Variants in TBC1D12 observed in about 807,000 individuals in gnomAD.
TBC1D12 encodes TBC1 domain family member 12, also known as TBC1 domain family, member 12.
In TBC1D12, 56 loss-of-function variants were observed where a neutral mutation model predicts 86.7. The ratio of observed to expected loss-of-function variants is 0.65; its 90% CI spans 0.52 to 0.81. TBC1D12 has a LOEUF of 0.81. Among genes scored for constraint, TBC1D12 ranks in the 30% least tolerant of loss-of-function variants. The pLI is 0.00. For synonymous variants in TBC1D12, 421 were observed against 411.7 expected (o/e 1.02, Z -0.27); for missense variants, 1,023 against 1,038.8 (o/e 0.98, Z 0.21).
In TBC1D12 at chr10:94,403,087, C is replaced by T. The variant is rs939017968; in HGVS notation, c.474C>T (p.Ala158=). 7 of 1,430,264 alleles carry T rather than the reference C, an allele frequency of 4.9e-6. No homozygotes were observed. Among genetic ancestry groups the T allele is most frequent in the Admixed American group, 3.2e-5 (1 of 31,004 alleles). 88.6% of individuals were successfully genotyped at this position (1,430,264 alleles called of 1,614,324 possible). A position where few individuals can be genotyped will look rare whatever the true frequency, so the allele number is the denominator to read the frequency against. ...DLEEARGLAR[A]GGRESRRRRP... ...AAGAGGCTCGCGGGCTGGCGCGCGC[C>T]GGCGGCCGGGAGTCGCGCCGCCGCC... Residue 158 remains alanine, a synonymous_variant, in exon 1 of 13, where the codon GCC becomes GCT. Transcript: ENST00000225235.
At chr10:94,460,732 G>A (rs535535381) in intron 2 of TBC1D12, among the ~76,000 whole-genome samples, 9 of 151,448 alleles carry the variant, frequency 5.9e-5, no homozygotes, top group South Asian at 4.2e-4. Context: ...TCTCTTGTCC[G>A]TTATAGTTTT....
In TBC1D12 at chr10:94,493,419, T is replaced by C. The variant is rs1474057282; in HGVS notation, c.1266T>C (p.Asp422=). ...CTTTACGTCACCGACAAGAATACGA[T>C]GAGATGGTGGCTGAGGCTAAAAAAC... The part of the protein sequence containing the change: ...EEALRHRQEY[D]EMVAEAKKRE... The change falls in exon 4 of 13, where the codon GAT becomes GAC. Residue 422 remains aspartate, a synonymous_variant. Coordinates refer to ENST00000225235, the MANE Select transcript of TBC1D12 (RefSeq NM_015188.2). The C allele has an allele frequency of 1.9e-6, 3 of 1,611,130 alleles. No individual in the cohort carries two copies. Among genetic ancestry groups the C allele is most frequent in the Non-Finnish European group, 2.5e-6 (3 of 1,178,114 alleles).
chr10:94,412,355 G>A (rs1030412912), intron 1 of TBC1D12, among the ~76,000 whole-genome samples: 1 of 152,226 alleles, frequency 6.6e-6, no homozygotes, highest in African/African-American at 2.4e-5. Flanking sequence ...GATACTGGAT[G>A]AATTTTTGTG....
In TBC1D12 at chr10:94,403,478, C is replaced by A. The variant is rs1404439944; in HGVS notation, c.865C>A (p.Leu289Met). 4 of 1,541,842 alleles carry A rather than the reference C, an allele frequency of 2.6e-6. No homozygotes were observed. Among genetic ancestry groups the A allele is most frequent in the Non-Finnish European group, 3.5e-6 (4 of 1,144,738 alleles). ...VSRGQSARDH[L>M]PPAGPPVPLP... ...CCGCGGTCAGAGCGCCCGCGATCAC[C>A]TGCCCCCGGCGGGGCCGCCGGTGCC... The change falls in exon 1 of 13, where the codon CTG becomes ATG. Residue 289 changes from leucine to methionine, a missense_variant. Coordinates refer to ENST00000225235, the MANE Select transcript of TBC1D12 (RefSeq NM_015188.2).
chr10:94,506,386 A>C (rs948294685), intron 6 of TBC1D12, among the ~76,000 whole-genome samples: 1 of 152,228 alleles, frequency 6.6e-6, no homozygotes, highest in South Asian at 2.1e-4. Context: ...ACCTTTAAAA[A>C]TGAATAAAAT....
chr10:94,421,557 G>A (rs2055074410), intron 1 of TBC1D12, among the ~76,000 whole-genome samples: 2 of 152,274 alleles, frequency 1.3e-5, no homozygotes, highest in Non-Finnish European at 2.9e-5. Context: ...ATGCCCATTA[G>A]TGAAATTGTT....
At chr10:94,497,821 C>CTTTT (rs796259533) in intron 5 of TBC1D12, among the ~76,000 whole-genome samples, 1 of 100,138 alleles carries the variant, frequency 1.0e-5, no homozygotes, top group Non-Finnish European at 2.1e-5. Flanking sequence ...ACTGTGTTTT[C>CTTTT]TTTTTTTTTT....
In TBC1D12 at chr10:94,402,935, G is replaced by T; in HGVS notation, c.322G>T (p.Ala108Ser). Residue 108 changes from alanine (A) to serine (S), a missense_variant, in exon 1 of 13, where the codon GCC (alanine) becomes TCC (serine). Around this residue, in one of 2 missense-constraint regions of TBC1D12, gnomAD observed 628 missense variants for 531.1 expected, o/e 1.18. Transcript: ENST00000225235. Reference protein sequence around the residue: ...PPPSAAPRSDACLLGSGSKHR... With the variant: ...PPPSAAPRSDSCLLGSGSKHR... ...GCCCTCGGCAGCCCCACGATCGGAC[G>T]CCTGCCTGCTGGGCTCGGGCTCCAA... 6.5e-7 allele frequency: 1 copy of T among 1,546,026 alleles called. No homozygotes were observed. The highest frequency in any genetic ancestry group is 8.7e-7 in the Non-Finnish European group (1 of 1,151,268).
intron 1 of TBC1D12, among the ~76,000 whole-genome samples, chr10:94,415,603 G>A (rs1589601210): frequency 6.6e-6 from 1 of 152,096 alleles, no homozygotes; most frequent in Non-Finnish European, 1.5e-5. Flanking sequence ...GCATGGTGGC[G>A]GGTGCCTGTA....
At chr10:94,444,694 C>T (rs1001313164) in intron 2 of TBC1D12, among the ~76,000 whole-genome samples, 2 of 150,780 alleles carry the variant, frequency 1.3e-5, no homozygotes, top group African/African-American at 2.4e-5. Context: ...TACCTTTAAT[C>T]TGCTATTTTC....
intron 2 of TBC1D12, among the ~76,000 whole-genome samples, chr10:94,473,924 A>G (rs1331646545): frequency 1.3e-5 from 2 of 152,248 alleles, no homozygotes; most frequent in African/African-American, 4.8e-5. Flanking sequence ...TAAGTTTCTT[A>G]ATTTTAGTGA....
Position 94,402,815 on chromosome 10 carries a change from C to A in TBC1D12, c.202C>A (p.Gln68Lys). The change falls in exon 1 of 13, where the codon CAG (glutamine) becomes AAG (lysine). Residue 68 changes from glutamine (Q) to lysine (K), a missense_variant. Around this residue, in one of 2 missense-constraint regions of TBC1D12, gnomAD observed 628 missense variants for 531.1 expected, o/e 1.18. Transcript: ENST00000225235. Reference sequence around the variant, plus strand: ...CGAGGAGGAGGAGACGCCGCCTCGGCAGCTCCTTCAGCGTTACCTCGCGGC... The same window carrying A: ...CGAGGAGGAGGAGACGCCGCCTCGGAAGCTCCTTCAGCGTTACCTCGCGGC... ...ADEEEETPPR[Q>K]LLQRYLAAAG... 1 of 1,541,148 alleles carries A rather than the reference C, an allele frequency of 6.5e-7. No individual in the cohort carries two copies. Among genetic ancestry groups the A allele is most frequent in the Non-Finnish European group, 8.7e-7 (1 of 1,143,014 alleles).
chr10:94,470,690 CTTTTTT>C (rs35586245), intron 2 of TBC1D12, among the ~76,000 whole-genome samples: 2 of 105,820 alleles, frequency 1.9e-5, no homozygotes, highest in Non-Finnish European at 3.9e-5. Context: ...ATTTGTAATT[CTTTTTT>C]TTTTTTTTTT....
At chr10:94,448,591 C>G (rs746185589) in intron 2 of TBC1D12, among the ~76,000 whole-genome samples, 9 of 152,184 alleles carry the variant, frequency 5.9e-5, no homozygotes, top group Non-Finnish European at 1.5e-5. Context: ...ATCCTCCCAC[C>G]TTAGCCTCCC....
chr10:94,473,083 G>C (rs375030108), intron 2 of TBC1D12, among the ~76,000 whole-genome samples: 1 of 152,038 alleles, frequency 6.6e-6, no homozygotes, highest in African/African-American at 2.4e-5. Flanking sequence ...GGCCGGGCAC[G>C]GTGGCTCACG....
chr10:94,426,780 C>T (rs1265353221), intron 1 of TBC1D12, among the ~76,000 whole-genome samples: 3 of 152,066 alleles, frequency 2.0e-5, no homozygotes, highest in African/African-American at 7.2e-5. Context: ...GTTTCACCAT[C>T]TTGGCCAGGC....
intron 1 of TBC1D12, among the ~76,000 whole-genome samples, chr10:94,436,153 T>G (rs2055292735): frequency 6.6e-6 from 1 of 152,196 alleles, no homozygotes; most frequent in East Asian, 1.9e-4. Context: ...CCTTTTTTTT[T>G]TTTGAGATGG....
intron 9 of TBC1D12, among the ~76,000 whole-genome samples, chr10:94,519,887 AC>A (rs1273891597): frequency 1.3e-5 from 2 of 152,124 alleles, no homozygotes; most frequent in African/African-American, 4.8e-5. Context: ...AAGATCCTTG[AC>A]TTAATCATAT....
intron 1 of TBC1D12, among the ~76,000 whole-genome samples, chr10:94,423,342 C>CTTTTTTTTTT (rs71486719): frequency 2.1e-5 from 2 of 94,204 alleles, no homozygotes; most frequent in Non-Finnish European, 3.9e-5. Flanking sequence ...CATTCACCAT[C>CTTTTTTTTTT]TTTTTTTTTT....
Sources: allele counts gnomAD v4.1 joint callset (sites outside exome capture counted in the v4.1 genomes callset), GRCh38; gene constraint gnomAD v4.1.1; regional missense constraint gnomAD v4.1.1; transcripts MANE v1.5; gene names NCBI Gene and HGNC (gene_info 2026-07-23, HGNC 2026-07-21).